BDKRB2: variants seen among roughly 807,000 people sequenced by gnomAD.
The protein encoded by BDKRB2 is B2 bradykinin receptor.
In BDKRB2, 6 loss-of-function variants were observed where a neutral mutation model predicts 4.0. The observed-to-expected ratio is 1.49, with a 90% CI of 0.81 to 2.93. The LOEUF (loss-of-function observed/expected upper bound fraction) is 2.93. BDKRB2 is among the 30% of genes most tolerant of loss of function. BDKRB2 has a pLI of 0.00. For synonymous variants in BDKRB2, 225 were observed against 215.3 expected (o/e 1.05, Z -0.40); for missense variants, 478 against 520.1 (o/e 0.92, Z 0.79).
chr14:96,205,214 T>TG lies in BDKRB2; in HGVS notation c.-40+256dup, dbSNP rs1275572220. Among the ~76,000 whole-genome samples the TG allele has an allele frequency of 3.9e-5, 6 of 152,300 alleles. No homozygotes were observed. In the South Asian group the frequency reaches 1.2e-3, roughly 32 times the overall value. ...TGAATCAAGGTGACAGACAGGCTTGTGTGTGTCCAGTGTGTGAGGGATTTC... is the reference window on the plus strand; with the variant it reads ...TGAATCAAGGTGACAGACAGGCTTGTGGTGTGTCCAGTGTGTGAGGGATTTC... On this transcript the variant is annotated intron_variant, in intron 1 of 2. Transcript: ENST00000554311.
intron 1 of BDKRB2, among the ~76,000 whole-genome samples, chr14:96,215,077 T>A (rs1890387320): frequency 6.6e-6 from 1 of 152,230 alleles, no homozygotes; most frequent in Non-Finnish European, 1.5e-5. Flanking sequence ...AAGGAATATA[T>A]GTTCTTCACA....
At chr14:96,233,643 G>C (rs929053101) in intron 1 of BDKRB2, 2 of 152,088 alleles carry the variant, frequency 1.3e-5, no homozygotes, top group African/African-American at 4.8e-5. Flanking sequence ...ACAAGGTCGC[G>C]GGCCCCACAT....
Position 96,243,857 on chromosome 14 carries a change from G to T in BDKRB2, c.*2353G>T. 5 of 240,436 alleles carry T rather than the reference G, an allele frequency of 2.1e-5. No individual in the cohort carries two copies. Among genetic ancestry groups the T allele is most frequent in the Non-Finnish European group, 3.1e-5 (4 of 127,526 alleles). The allele number at this position is 240,436 out of a possible 1,614,324, so 14.9% of individuals were successfully genotyped here. ...ACATGGTGAATGAAAAAAAAAAAAA[G>T]AGGCTGTGTTTTGTCACACAGGGCA... On this transcript the variant is annotated 3_prime_UTR_variant, in exon 3 of 3. Coordinates refer to ENST00000554311, the MANE Select transcript of BDKRB2 (RefSeq NM_001379692.1).
At chr14:96,217,465 G>A (rs755592749) in intron 1 of BDKRB2, among the ~76,000 whole-genome samples, 1 of 152,228 alleles carries the variant, frequency 6.6e-6, no homozygotes, top group Non-Finnish European at 1.5e-5. Context: ...CTGCTCAAAG[G>A]CATATTGTTG....
At chr14:96,231,911 G>C (rs746837831) in intron 1 of BDKRB2, among the ~76,000 whole-genome samples, 1 of 152,180 alleles carries the variant, frequency 6.6e-6, no homozygotes, top group Non-Finnish European at 1.5e-5. Flanking sequence ...GAGGGAGAGG[G>C]AGAACAGCCG....
intron 1 of BDKRB2, among the ~76,000 whole-genome samples, chr14:96,206,637 C>T (rs946354141): frequency 1.3e-5 from 2 of 152,128 alleles, no homozygotes; most frequent in Admixed American, 6.5e-5. Flanking sequence ...AGCTGTGCCA[C>T]GTGGTTTTTG....
At chr14:96,216,069 GT>G (rs1008674884) in intron 1 of BDKRB2, among the ~76,000 whole-genome samples, 24 of 152,306 alleles carry the variant, frequency 1.6e-4, no homozygotes, top group Admixed American at 5.2e-4. Flanking sequence ...GGAGGATTTT[GT>G]TTCTGGCTCC....
chr14:96,240,513 C>T lies in BDKRB2; in HGVS notation c.185C>T (p.Pro62Leu), dbSNP rs764968612. 16 of 1,576,920 alleles carry T rather than the reference C, an allele frequency of 1.0e-5. No individual in the cohort carries two copies. The highest frequency in any genetic ancestry group is 1.4e-5 in the Non-Finnish European group (16 of 1,162,500). Residue 62 changes from proline (P) to leucine (L), a missense_variant, in exon 3 of 3, where the codon CCC becomes CTC. Transcript: ENST00000554311. ...GGCTGGCTCAACACCATCCAGCCCC[C>T]CTTCCTCTGGGTGCTGTTCGTGCTG... Reference protein sequence around the residue: ...WLGWLNTIQPPFLWVLFVLAT... With the variant: ...WLGWLNTIQPLFLWVLFVLAT...
intron 1 of BDKRB2, among the ~76,000 whole-genome samples, chr14:96,232,393 G>A (rs1031340683): frequency 1.3e-5 from 2 of 152,354 alleles, no homozygotes; most frequent in African/African-American, 2.4e-5. Flanking sequence ...CGTAATGCAC[G>A]TTTCCAGCTA....
intron 1 of BDKRB2, among the ~76,000 whole-genome samples, chr14:96,207,604 A>C (rs1420975834): frequency 6.6e-6 from 1 of 152,082 alleles, no homozygotes; most frequent in Non-Finnish European, 1.5e-5. Flanking sequence ...AAAACTATGG[A>C]CTTTGGGTGA....
intron 1 of BDKRB2, among the ~76,000 whole-genome samples, chr14:96,215,485 A>T (rs1595249292): frequency 1.4e-5 from 2 of 145,478 alleles, no homozygotes; most frequent in East Asian, 4.1e-4. Flanking sequence ...AAAAAAAGGG[A>T]GGGGGTTGAA....
intron 1 of BDKRB2, among the ~76,000 whole-genome samples, chr14:96,209,265 C>T (rs1446930263): frequency 2.0e-5 from 3 of 152,116 alleles, no homozygotes; most frequent in Admixed American, 6.5e-5. Flanking sequence ...TGACATTTAT[C>T]GAGAGTTTGA....
chr14:96,217,182 A>AG (rs1261690125), intron 1 of BDKRB2, among the ~76,000 whole-genome samples: 1 of 152,226 alleles, frequency 6.6e-6, no homozygotes. Context: ...TCTGTGCTCA[A>AG]GGGACTGATG....
Position 96,241,159 on chromosome 14 carries a change from G to T in BDKRB2, c.831G>T (p.Leu277=), listed in dbSNP as rs111462292. The T allele has an allele frequency of 4.7e-4, 761 of 1,607,400 alleles. 2 individuals are homozygous for T. The African/African-American group carries it at 8.6e-3, about 18-fold the overall frequency. The stretch of plus-strand genomic sequence containing the variant: ...CGGTGCTAGTCCTGGTTGTGCTGCT[G>T]CTATTCATCATCTGCTGGCTGCCCT... ...RATVLVLVVL[L]LFIICWLPFQ... Residue 277 remains leucine (L), a synonymous_variant, in exon 3 of 3, where the codon CTG becomes CTT. Transcript: ENST00000554311.
At chr14:96,211,620 G>C (rs1890304881) in intron 1 of BDKRB2, among the ~76,000 whole-genome samples, 1 of 152,172 alleles carries the variant, frequency 6.6e-6, no homozygotes, top group Non-Finnish European at 1.5e-5. Context: ...ACATTGGGGA[G>C]ATGGACTCTG....
intron 1 of BDKRB2, among the ~76,000 whole-genome samples, chr14:96,236,250 G>A (rs2069575): frequency 0.2 from 30,787 of 151,966 alleles, 3,532 homozygotes; most frequent in South Asian, 0.31. Flanking sequence ...AAAGTCCCTC[G>A]AGACCCTGTC....
At chr14:96,238,573 G>C (rs752945493) in intron 2 of BDKRB2, 104 of 985,764 alleles carry the variant, frequency 1.1e-4, no homozygotes, top group Middle Eastern at 5.2e-4. Flanking sequence ...TGAAGACCAC[G>C]CTTACTCCCT....
At chr14:96,218,906 G>C (rs577034519) in intron 1 of BDKRB2, among the ~76,000 whole-genome samples, 1 of 151,734 alleles carries the variant, frequency 6.6e-6, no homozygotes, top group Non-Finnish European at 1.5e-5. Flanking sequence ...GTGACAGAGC[G>C]AGACCCCATT....
At chr14:96,213,032 C>A (rs1312460698) in intron 1 of BDKRB2, among the ~76,000 whole-genome samples, 1 of 152,196 alleles carries the variant, frequency 6.6e-6, no homozygotes, top group Non-Finnish European at 1.5e-5. Context: ...TTGGCACCAA[C>A]TGGCCCGATT....
Sources: gnomAD v4.1 joint callset for allele counts (sites outside exome capture counted in the v4.1 genomes callset) on GRCh38, gnomAD v4.1.1 for gene constraint, MANE v1.5 for transcripts, NCBI Gene and HGNC (gene_info 2026-07-23, HGNC 2026-07-21) for gene names.